The following SLC1A2 variants were observed in gnomAD, a reference collection of about 807,000 sequenced individuals.
SLC1A2 encodes excitatory amino acid transporter 2.
Under a neutral mutation model 48.8 loss-of-function variants are expected in SLC1A2, and 15 were observed. The observed-to-expected ratio is 0.31, with a 90% CI of 0.21 to 0.47. The LOEUF (loss-of-function observed/expected upper bound fraction) is 0.47. Among genes scored for constraint, SLC1A2 ranks in the 20% least tolerant of loss-of-function variants. The pLI is 0.99. For synonymous variants in SLC1A2, 279 were observed against 272.6 expected (o/e 1.02, Z -0.23); for missense variants, 502 against 730.5 (o/e 0.69, Z 3.61).
At position 35,283,294 on chromosome 11, in the gene SLC1A2, G is replaced by C. The variant is rs1352910934; in HGVS notation, c.1287-2293C>G. 2.6e-5 allele frequency among the ~76,000 whole-genome samples: 4 copies of C among 152,304 alleles called. No homozygotes were observed. The East Asian group carries it at 7.7e-4, about 29-fold the overall frequency. On this transcript the variant is annotated intron_variant, in intron 8 of 10. Transcript: ENST00000278379. ...ACTATTTTCCTACATGCAGTGAAAG[G>C]AGAGAAATGAAAATTTTACTTGGAA...
At position 35,389,724 on chromosome 11, in the gene SLC1A2, C is replaced by T. The variant is rs561313441; in HGVS notation, c.17+29226G>A. On this transcript the variant is annotated intron_variant, in intron 1 of 10. Coordinates refer to ENST00000278379, the MANE Select transcript of SLC1A2 (RefSeq NM_004171.4). Reference sequence around the variant, plus strand: ...AACTCAGGTGATCCACCCATCTCAGCCTCCCAAAGTGCTGAGATTACAGGC... The same window carrying T: ...AACTCAGGTGATCCACCCATCTCAGTCTCCCAAAGTGCTGAGATTACAGGC... Among the ~76,000 whole-genome samples the T allele has an allele frequency of 2.6e-5, 4 of 152,194 alleles. No individual in the cohort carries two copies. In the South Asian group the frequency reaches 8.3e-4, roughly 32 times the overall value.
intron 1 of SLC1A2, among the ~76,000 whole-genome samples, chr11:35,331,187 T>C (rs1565250193): frequency 6.6e-6 from 1 of 152,190 alleles, no homozygotes. Flanking sequence ...CCTCCCTTCC[T>C]CACTTCCTCC....
At chr11:35,284,462 G>A (rs1339274680) in intron 8 of SLC1A2, among the ~76,000 whole-genome samples, 2 of 152,036 alleles carry the variant, frequency 1.3e-5, no homozygotes, top group African/African-American at 4.8e-5. Context: ...AGATAATTTA[G>A]CAAGAGAACC....
intron 9 of SLC1A2, among the ~76,000 whole-genome samples, chr11:35,270,581 C>A (rs1199541041): frequency 6.6e-6 from 1 of 152,138 alleles, no homozygotes; most frequent in Non-Finnish European, 1.5e-5. Context: ...CCCCAAGAAC[C>A]CACGTACTGT....
chr11:35,378,665 T>C (rs1444374716), intron 1 of SLC1A2, among the ~76,000 whole-genome samples: 1 of 152,236 alleles, frequency 6.6e-6, no homozygotes, highest in Admixed American at 6.5e-5. Flanking sequence ...CTCAATTGGA[T>C]TGATAAGTCT....
chr11:35,391,012 T>G (rs1434817303), intron 1 of SLC1A2: 2 of 152,208 alleles, frequency 1.3e-5, no homozygotes, highest in Non-Finnish European at 2.9e-5. Flanking sequence ...TCTTTCCTTT[T>G]ATAGTGTGGC....
intron 1 of SLC1A2, among the ~76,000 whole-genome samples, chr11:35,396,218 T>C (rs1270236153): frequency 1.9e-5 from 2 of 106,710 alleles, no homozygotes; most frequent in Admixed American, 1.9e-4. Flanking sequence ...GGTCAAATGG[T>C]ATTTCTAGTT....
Position 35,265,651 on chromosome 11 carries a change from A to C in SLC1A2, c.1529T>G (p.Val510Gly), listed in dbSNP as rs1199680895. Residue 510 changes from valine (V) to glycine (G), a missense_variant, in exon 10 of 11, where the codon GTG (valine) becomes GGG (glycine). Around this residue, in one of 4 missense-constraint regions of SLC1A2, gnomAD observed 102 missense variants for 107.2 expected, o/e 0.95. Transcript: ENST00000278379. ...CTTGGTCATTTCAATATCTTCATGC[A>C]CTCGATGCTGGGAGTCAATGGTATC... The part of the protein sequence containing the change: ...ELDTIDSQHR[V>G]HEDIEMTKTQ... The C allele has an allele frequency of 1.9e-6, 3 of 1,613,130 alleles. No individual in the cohort carries two copies. Among genetic ancestry groups the C allele is most frequent in the South Asian group, 2.2e-5 (2 of 91,060 alleles).
At chr11:35,406,328 C>A (rs1258860676) in intron 1 of SLC1A2, among the ~76,000 whole-genome samples, 1 of 151,932 alleles carries the variant, frequency 6.6e-6, no homozygotes, top group Non-Finnish European at 1.5e-5. Context: ...TTTGTAGATA[C>A]AAACAGACAG....
chr11:35,307,900 C>T (rs995529224), intron 4 of SLC1A2, among the ~76,000 whole-genome samples: 1 of 152,112 alleles, frequency 6.6e-6, no homozygotes, highest in Non-Finnish European at 1.5e-5. Flanking sequence ...GAGAGGAAGC[C>T]TAGGGCCTGC....
At chr11:35,338,458 T>C (rs1337936415) in intron 1 of SLC1A2, among the ~76,000 whole-genome samples, 1 of 152,174 alleles carries the variant, frequency 6.6e-6, no homozygotes, top group African/African-American at 2.4e-5. Context: ...CAGGATACTC[T>C]ATCCTCATAA....
intron 1 of SLC1A2, among the ~76,000 whole-genome samples, chr11:35,389,563 C>T (rs1357554308): frequency 2.0e-5 from 3 of 151,914 alleles, no homozygotes; most frequent in Non-Finnish European, 2.9e-5. Flanking sequence ...CTCTGCCTCC[C>T]GGGTTCAAGC....
chr11:35,276,090 C>T (rs1185137413), intron 9 of SLC1A2, among the ~76,000 whole-genome samples: 3 of 152,176 alleles, frequency 2.0e-5, no homozygotes, highest in Non-Finnish European at 2.9e-5. Flanking sequence ...TGTATACAAA[C>T]ATTCATCCCC....
intron 1 of SLC1A2, among the ~76,000 whole-genome samples, chr11:35,400,547 G>A (rs1450944197): frequency 6.6e-6 from 1 of 152,156 alleles, no homozygotes; most frequent in Non-Finnish European, 1.5e-5. Flanking sequence ...TGTCTAATTA[G>A]TATAGATTTC....
At chr11:35,277,428 T>A (rs910837473) in intron 9 of SLC1A2, among the ~76,000 whole-genome samples, 2 of 152,082 alleles carry the variant, frequency 1.3e-5, no homozygotes, top group Admixed American at 1.3e-4. Context: ...ACCTTAAGGA[T>A]TAAATGGAGA....
intron 1 of SLC1A2, chr11:35,380,426 C>G (rs1044385874): frequency 5.0e-6 from 2 of 398,406 alleles, no homozygotes; most frequent in African/African-American, 2.1e-5. Context: ...TGCATATGTG[C>G]GAGTTATTCT....
At chr11:35,287,530 C>T (rs1462452101) in intron 7 of SLC1A2, among the ~76,000 whole-genome samples, 1 of 152,196 alleles carries the variant, frequency 6.6e-6, no homozygotes, top group Non-Finnish European at 1.5e-5. Flanking sequence ...CACTGGGGAA[C>T]CTCACAGATA....
rs576301554 is a variant in SLC1A2 at position 35,376,945 on chromosome 11, T to C, written c.17+42005A>G. On this transcript the variant is annotated intron_variant, in intron 1 of 10. Coordinates refer to ENST00000278379, the MANE Select transcript of SLC1A2 (RefSeq NM_004171.4). The stretch of plus-strand genomic sequence containing the variant: ...CACTTGGAGGTTGAAGGTCATTTTG[T>C]AGCCAGCAGTGAGCTTCCAGAAATG... Among the ~76,000 whole-genome samples, 78 of 152,228 alleles carry C rather than the reference T, an allele frequency of 5.1e-4. 1 individual carries two copies. Among genetic ancestry groups the C allele is most frequent in the Admixed American group, 1.1e-3 (17 of 15,278 alleles).
chr11:35,275,693 A>G (rs1202250171), intron 9 of SLC1A2, among the ~76,000 whole-genome samples: 1 of 152,246 alleles, frequency 6.6e-6, no homozygotes, highest in African/African-American at 2.4e-5. Flanking sequence ...ACTGTGACAC[A>G]TTAAATGTCA....
Sources: gnomAD v4.1 joint callset for allele counts (sites outside exome capture counted in the v4.1 genomes callset) on GRCh38, gnomAD v4.1.1 for gene constraint, gnomAD v4.1.1 regional missense constraint, MANE v1.5 for transcripts, NCBI Gene and HGNC (gene_info 2026-07-23, HGNC 2026-07-21) for gene names.